Variants in PTPN14 observed in about 807,000 individuals in gnomAD.
PTPN14 encodes tyrosine-protein phosphatase non-receptor type 14.
PTPN14 carries 53 observed loss-of-function variants against 126.8 expected under a neutral mutation model. The ratio of observed to expected loss-of-function variants is 0.42; its 90% CI spans 0.34 to 0.53. The LOEUF is 0.53. Ranked by LOEUF, PTPN14 falls within the 20% of genes least tolerant of loss-of-function variation. PTPN14 has a pLI of 0.08. For missense variants in PTPN14, 1,257 were observed against 1,552.9 expected (o/e 0.81, Z 3.20); for synonymous variants, 630 against 599.3 (o/e 1.05, Z -0.75).
intron 3 of PTPN14, among the ~76,000 whole-genome samples, chr1:214,417,660 C>T (rs1461743954): frequency 2.6e-5 from 4 of 152,180 alleles, no homozygotes; most frequent in East Asian, 1.9e-4. Context: ...TATCTCAGCA[C>T]GTCTGCAACT....
intron 7 of PTPN14, 35 bp downstream of exon 7, chr1:214,401,650 G>C: frequency 6.8e-7 from 1 of 1,476,684 alleles, no homozygotes; most frequent in South Asian, 1.2e-5. Context: ...ACCGGTCTGA[G>C]AAGGTTAAAG....
At chr1:214,458,618 T>TCAGTAG (rs11283103) in intron 2 of PTPN14, among the ~76,000 whole-genome samples, 125,537 of 151,622 alleles carry the variant, frequency 0.83, 52,072 homozygotes, top group African/African-American at 0.89. Context: ...ACAGGGTACT[T>TCAGTAG]CTATTTAAGG....
At position 214,411,761 on chromosome 1, in the gene PTPN14, AAAG is replaced by A; in HGVS notation, c.443-13_443-11del. On this transcript the variant is annotated splice_polypyrimidine_tract_variant and intron_variant, in intron 4 of 18. Transcript: ENST00000366956. ...TAGTCTCCAAAATCAGCTGAGAAGA[AAAG>A]AAGATGGAAGGGCAGTATTTATTAT... 4.0e-6 allele frequency: 6 copies of A among 1,492,900 alleles called. No homozygotes were observed. The highest frequency in any genetic ancestry group is 5.5e-6 in the Non-Finnish European group (6 of 1,085,802). 92.5% of individuals were successfully genotyped at this position (1,492,900 alleles called of 1,614,324 possible). A position where few individuals can be genotyped will look rare whatever the true frequency, so the allele number is the denominator to read the frequency against.
chr1:214,534,009 A>G (rs1468313666), intron 1 of PTPN14, among the ~76,000 whole-genome samples: 1 of 152,222 alleles, frequency 6.6e-6, no homozygotes, highest in African/African-American at 2.4e-5. Flanking sequence ...TACTCAATGT[A>G]ATAGATCAAT....
chr1:214,349,088 T>C lies in PTPN14; in HGVS notation c.*8834A>G, dbSNP rs1379518004. ...ATAGTGATAAAAATCACTCCCCAGC[T>C]TAGGGAATGTCCTATAAACATCTCA... On this transcript the variant is annotated 3_prime_UTR_variant, in exon 19 of 19. Transcript: ENST00000366956. 2 of 152,204 alleles carry C rather than the reference T, an allele frequency of 1.3e-5. No homozygotes were observed. Among genetic ancestry groups the C allele is most frequent in the East Asian group, 3.9e-4 (2 of 5,190 alleles). The allele number at this position is 152,204 out of a possible 1,614,324, so 9.4% of individuals were successfully genotyped here.
At chr1:214,486,277 G>C (rs1165680560) in intron 1 of PTPN14, among the ~76,000 whole-genome samples, 1 of 152,078 alleles carries the variant, frequency 6.6e-6, no homozygotes, top group Non-Finnish European at 1.5e-5. Context: ...CTCTGTAGAG[G>C]CATTATCCTC....
At chr1:214,412,912 T>G (rs1477461020) in intron 4 of PTPN14, among the ~76,000 whole-genome samples, 7 of 152,234 alleles carry the variant, frequency 4.6e-5, no homozygotes, top group Non-Finnish European at 1.0e-4. Context: ...CTTTGTCATC[T>G]GGGCTGGGGT....
intron 3 of PTPN14, among the ~76,000 whole-genome samples, chr1:214,448,247 T>C (rs1419467888): frequency 6.6e-6 from 1 of 152,194 alleles, no homozygotes; most frequent in Non-Finnish European, 1.5e-5. Flanking sequence ...TTTCTCTTTT[T>C]TGAGATGGAA....
chr1:214,379,937 A>G (rs577946845), intron 13 of PTPN14, among the ~76,000 whole-genome samples: 2 of 152,370 alleles, frequency 1.3e-5, no homozygotes, highest in Admixed American at 1.3e-4. Context: ...CAACCTTGGC[A>G]GAATAAACTT....
intron 3 of PTPN14, among the ~76,000 whole-genome samples, chr1:214,445,953 T>C (rs11120324): frequency 0.27 from 40,861 of 152,134 alleles, 6,236 homozygotes; most frequent in Non-Finnish European, 0.34. Flanking sequence ...CAGGAGAACA[T>C]GCTGGGGAAG....
In PTPN14 at chr1:214,383,976, G is replaced by C; in HGVS notation, c.1879C>G (p.Pro627Ala). The change falls in exon 13 of 19, where the codon CCC becomes GCC. Residue 627 changes from proline (P) to alanine (A), a missense_variant. This residue lies in a region of PTPN14 where 1,021 missense variants were observed against 1,183.3 expected (regional missense o/e 0.86). Transcript: ENST00000366956. The surrounding 1 kb of genome is among the most constrained non-coding windows in gnomAD (Gnocchi z 4.4). ...CCGTGGTGCTTGGTGGCCGTGAGGG[G>C]CTCGCTCACCTCCTGGAGAGACTGA... is the stretch of plus-strand genomic sequence containing the variant. The part of the protein sequence containing the change: ...VHQSLQEVSE[P>A]LTATKHHGTV... 1 of 1,611,292 alleles carries C rather than the reference G, an allele frequency of 6.2e-7. No individual in the cohort carries two copies.
chr1:214,403,762 T>C (rs954958532), intron 5 of PTPN14, among the ~76,000 whole-genome samples: 2 of 152,204 alleles, frequency 1.3e-5, no homozygotes, highest in Non-Finnish European at 2.9e-5. Context: ...AGCAATGCAT[T>C]CTTGAGAAAT....
chr1:214,513,680 A>G (rs1340018331), intron 1 of PTPN14, among the ~76,000 whole-genome samples: 1 of 152,092 alleles, frequency 6.6e-6, no homozygotes, highest in African/African-American at 2.4e-5. Context: ...CAGATTTCAC[A>G]AAGTTCGAAT....
chr1:214,426,032 CAAAAAAAAAA>C (rs66656875), intron 3 of PTPN14, among the ~76,000 whole-genome samples: 1,699 of 34,028 alleles, frequency 0.05, 51 homozygotes, highest in African/African-American at 0.18. Context: ...GCATAAATCG[CAAAAAAAAAA>C]AAAAAAAAAA....
At chr1:214,400,376 G>A (rs1353801862) in intron 7 of PTPN14, among the ~76,000 whole-genome samples, 2 of 152,180 alleles carry the variant, frequency 1.3e-5, no homozygotes, top group African/African-American at 4.8e-5. Context: ...AGGCAGTCCA[G>A]CTCAGTTACC....
chr1:214,425,368 T>C (rs1659636896), intron 3 of PTPN14, among the ~76,000 whole-genome samples: 2 of 152,320 alleles, frequency 1.3e-5, no homozygotes, highest in South Asian at 4.1e-4. Context: ...AGGTATTACA[T>C]AATATAAAGC....
chr1:214,454,046 T>G (rs6540833), intron 2 of PTPN14, among the ~76,000 whole-genome samples: 57,784 of 152,046 alleles, frequency 0.38, 11,281 homozygotes, highest in East Asian at 0.53. Context: ...AATTCCTGTA[T>G]GGAACACAGG....
intron 1 of PTPN14, among the ~76,000 whole-genome samples, chr1:214,542,579 T>C (rs1323567469): frequency 6.6e-6 from 1 of 152,086 alleles, no homozygotes; most frequent in Non-Finnish European, 1.5e-5. Flanking sequence ...GTGAGGTCAA[T>C]GCCAAGGCCA....
At chr1:214,452,050 A>G (rs1274092426) in intron 2 of PTPN14, 76 bp from the exon 3 acceptor site, 1 of 1,484,382 alleles carries the variant, frequency 6.7e-7, no homozygotes, top group African/African-American at 1.4e-5. Context: ...ACGAGACTCC[A>G]GCATGCTGCA....
Sources: gnomAD v4.1 joint callset for allele counts (sites outside exome capture counted in the v4.1 genomes callset) on GRCh38, gnomAD v4.1.1 for gene constraint, gnomAD v4.1.1 regional missense constraint, Gnocchi (gnomAD v3.1) non-coding constraint, MANE v1.5 for transcripts, NCBI Gene and HGNC (gene_info 2026-07-23, HGNC 2026-07-21) for gene names.